RNF183: variants seen among roughly 807,000 people sequenced by gnomAD.
RNF183 encodes ring finger protein 183.
RNF183 carries 4 observed loss-of-function variants against 9.0 expected under a neutral mutation model. The observed-to-expected ratio is 0.44, with a 90% CI of 0.22 to 1.01. The LOEUF (loss-of-function observed/expected upper bound fraction) is 1.01, where lower values mean the gene tolerates loss of function less well. RNF183 is among the 50% of genes least tolerant of loss of function. RNF183 has a pLI of 0.25. For synonymous variants in RNF183, 102 were observed against 107.5 expected (o/e 0.95, Z 0.32); for missense variants, 227 against 253.6 (o/e 0.89, Z 0.71).
At position 113,297,664 on chromosome 9, in the gene RNF183, G is replaced by C. The variant is rs1832763408; in HGVS notation, c.521C>G (p.Thr174Ser). 6.2e-7 allele frequency: 1 copy of C among 1,613,638 alleles called. No individual in the cohort carries two copies. Among genetic ancestry groups the C allele is most frequent in the Non-Finnish European group, 8.5e-7 (1 of 1,179,790 alleles). ...AYLMAVILSV[T>S]LLLIFSIFWT... ...AAAGATGGAGAATATGAGCAACAGA[G>C]TGACACTGAGGATGACGGCCATCAG... Residue 174 changes from threonine (T) to serine (S), a missense_variant, in exon 5 of 5, where the codon ACT becomes AGT. By Grantham distance (58) the Thr-to-Ser change is moderately conservative. Coordinates refer to ENST00000489339, the MANE Select transcript of RNF183 (RefSeq NM_001371237.1).
At chr9:113,302,873 G>T (rs980713890) in intron 1 of RNF183, among the ~76,000 whole-genome samples, 183 bp downstream of exon 1, 1 of 152,182 alleles carries the variant, frequency 6.6e-6, no homozygotes, top group African/African-American at 2.4e-5. Flanking sequence ...GGAAGCCAAG[G>T]CTCAGAAGGG....
Position 113,298,032 on chromosome 9 carries a change from C to A in RNF183, c.153G>T (p.Arg51=). ...LAHLSLVTPA[R]RRLLCPLCRQ... The stretch of plus-strand genomic sequence containing the variant: ...GACAGAGTGGGCACAGCAGGCGGCG[C>A]CGGGCTGGAGTCACAAGGCTGAGGT... Residue 51 remains arginine, a synonymous_variant, in exon 5 of 5, where the codon CGG becomes CGT. Transcript: ENST00000489339. This position sits in a 1 kb window ranked among gnomAD's most constrained non-coding sequence, Gnocchi z 4.9. 1 of 1,613,976 alleles carries A rather than the reference C, an allele frequency of 6.2e-7. No individual in the cohort carries two copies. The highest frequency in any genetic ancestry group is 8.5e-7 in the Non-Finnish European group (1 of 1,180,018).
In RNF183 at chr9:113,297,434, C is replaced by T. The variant is rs1053455520; in HGVS notation, c.*172G>A. On this transcript the variant is annotated 3_prime_UTR_variant, in exon 5 of 5. Transcript: ENST00000489339. The stretch of plus-strand genomic sequence containing the variant: ...ACATCTCCCAGTCCTTCAAGCTTTT[C>T]GTTTTTTTGTTTTTTTTTAAAATTG... 2.1e-4 allele frequency: 109 copies of T among 529,842 alleles called. No individual in the cohort carries two copies. Among genetic ancestry groups the T allele is most frequent in the Admixed American group, 4.9e-4 (13 of 26,554 alleles). 32.8% of individuals were successfully genotyped at this position (529,842 alleles called of 1,614,324 possible). A position where few individuals can be genotyped will look rare whatever the true frequency, so the allele number is the denominator to read the frequency against.
chr9:113,299,880 G>A (rs994100904), intron 3 of RNF183, 105 bp from the exon 4 acceptor site: 1 of 152,214 alleles, frequency 6.6e-6, no homozygotes, highest in Non-Finnish European at 1.5e-5. Context: ...CTAGTTAATG[G>A]TGACATGGGA....
At position 113,297,419 on chromosome 9, in the gene RNF183, G is replaced by A; in HGVS notation, c.*187C>T. 2.1e-6 allele frequency: 1 copy of A among 484,380 alleles called. No individual in the cohort carries two copies. Among genetic ancestry groups the A allele is most frequent in the Non-Finnish European group, 3.7e-6 (1 of 270,618 alleles). 30.0% of individuals were successfully genotyped at this position (484,380 alleles called of 1,614,324 possible). On this transcript the variant is annotated 3_prime_UTR_variant, in exon 5 of 5. Coordinates refer to ENST00000489339, the MANE Select transcript of RNF183 (RefSeq NM_001371237.1). Reference sequence around the variant, plus strand: ...CCCGGAGGTCGCTCCACATCTCCCAGTCCTTCAAGCTTTTCGTTTTTTTGT... The same window carrying A: ...CCCGGAGGTCGCTCCACATCTCCCAATCCTTCAAGCTTTTCGTTTTTTTGT...
Position 113,297,982 on chromosome 9 carries a change from C to G in RNF183, c.203G>C (p.Gly68Ala), listed in dbSNP as rs759807205. The change falls in exon 5 of 5, where the codon GGG becomes GCG. Residue 68 changes from glycine to alanine, a missense_variant. Physicochemically the swap from Gly to Ala is moderately conservative, Grantham distance 60 (BLOSUM62 0). Coordinates refer to ENST00000489339, the MANE Select transcript of RNF183 (RefSeq NM_001371237.1). Reference sequence around the variant, plus strand: ...CGTGGGCAAGTCAGTGACAGGCTGCCCTGAGGCCAGCACTGTGGGCTGGCG... The same window carrying G: ...CGTGGGCAAGTCAGTGACAGGCTGCGCTGAGGCCAGCACTGTGGGCTGGCG... Reference protein sequence around the residue: ...LCRQPTVLASGQPVTDLPTDT... With the variant: ...LCRQPTVLASAQPVTDLPTDT... The G allele has an allele frequency of 6.2e-7, 1 of 1,613,812 alleles. No individual in the cohort carries two copies. Among genetic ancestry groups the G allele is most frequent in the Non-Finnish European group, 8.5e-7 (1 of 1,179,986 alleles).
At chr9:113,301,195 A>G (rs529281440) in intron 3 of RNF183, among the ~76,000 whole-genome samples, 30 of 152,186 alleles carry the variant, frequency 2.0e-4, no homozygotes, top group Admixed American at 7.2e-4. Flanking sequence ...AGCACCCAGT[A>G]AAGACCACAA....
At position 113,297,659 on chromosome 9, in the gene RNF183, A is replaced by G; in HGVS notation, c.526T>C (p.Leu176=). Residue 176 remains leucine (L), a synonymous_variant, in exon 5 of 5, where the codon TTG becomes CTG. Coordinates refer to ENST00000489339, the MANE Select transcript of RNF183 (RefSeq NM_001371237.1). ...LMAVILSVTL[L]LIFSIFWTKQ... Reference sequence around the variant, plus strand: ...GTCCAAAAGATGGAGAATATGAGCAACAGAGTGACACTGAGGATGACGGCC... The same window carrying G: ...GTCCAAAAGATGGAGAATATGAGCAGCAGAGTGACACTGAGGATGACGGCC... 6.2e-7 allele frequency: 1 copy of G among 1,613,266 alleles called. No individual in the cohort carries two copies.
At position 113,298,051 on chromosome 9, in the gene RNF183, C is replaced by A. The variant is rs1336208454; in HGVS notation, c.134G>T (p.Ser45Ile). 1 of 1,614,024 alleles carries A rather than the reference C, an allele frequency of 6.2e-7. No homozygotes were observed. The highest frequency in any genetic ancestry group is 1.1e-5 in the South Asian group (1 of 91,074). ...GCGGCGCCGGGCTGGAGTCACAAGGCTGAGGTGGGCCAGACATTCCACGCA... is the reference window on the plus strand; with the variant it reads ...GCGGCGCCGGGCTGGAGTCACAAGGATGAGGTGGGCCAGACATTCCACGCA... ...SFCVECLAHL[S>I]LVTPARRRLL... Residue 45 changes from serine to isoleucine, a missense_variant, in exon 5 of 5, where the codon AGC becomes ATC. Coordinates refer to ENST00000489339, the MANE Select transcript of RNF183 (RefSeq NM_001371237.1). The surrounding 1 kb of genome is among the most constrained non-coding windows in gnomAD (Gnocchi z 4.9).
At position 113,297,778 on chromosome 9, in the gene RNF183, G is replaced by A; in HGVS notation, c.407C>T (p.Ser136Phe). ...GAGGATGGGCGTAGACACGGTGGCA[G>A]AGGCCGTGTCTGGGGGCGGCCCAGT... ...GQTGPPPDTA[S>F]ATVSTPILIP... The change falls in exon 5 of 5, where the codon TCT becomes TTT. Residue 136 changes from serine to phenylalanine, a missense_variant. Ser to Phe is a radical substitution (Grantham distance 155, BLOSUM62 -2). Coordinates refer to ENST00000489339, the MANE Select transcript of RNF183 (RefSeq NM_001371237.1). 6.2e-7 allele frequency: 1 copy of A among 1,613,664 alleles called. No individual in the cohort carries two copies. Among genetic ancestry groups the A allele is most frequent in the South Asian group, 1.1e-5 (1 of 91,016 alleles).
chr9:113,301,122 CT>C (rs1832906422), intron 3 of RNF183, among the ~76,000 whole-genome samples: 1 of 152,166 alleles, frequency 6.6e-6, no homozygotes, highest in Non-Finnish European at 1.5e-5. Flanking sequence ...CTTGACCTCT[CT>C]GTGCCTCTAT....
intron 3 of RNF183, 141 bp from the exon 4 acceptor site, chr9:113,299,916 C>T (rs1832862027): frequency 6.6e-6 from 1 of 152,186 alleles, no homozygotes; most frequent in Non-Finnish European, 1.5e-5. Context: ...TCATGGTTTT[C>T]GTAAAGACAG....
rs184118629 is a variant in RNF183 at position 113,298,329 on chromosome 9, T to G, written c.-37-108A>C. 263 of 680,280 alleles carry G rather than the reference T, an allele frequency of 3.9e-4. 1 individual carries two copies. The East Asian group carries it at 6.9e-3, about 18-fold the overall frequency. 42.1% of individuals were successfully genotyped at this position (680,280 alleles called of 1,614,324 possible). A position where few individuals can be genotyped will look rare whatever the true frequency, so the allele number is the denominator to read the frequency against. On this transcript the variant is annotated intron_variant, in intron 4 of 4. Transcript: ENST00000489339. The surrounding 1 kb of genome is among the most constrained non-coding windows in gnomAD (Gnocchi z 4.9). ...GTTGAAAGGTGTAATCACCACGTTT[T>G]ACTTAGGTTCAAAAGCGTTTTGTTC...
intron 4 of RNF183, 168 bp downstream of exon 4, chr9:113,299,404 C>T (rs931428348): frequency 6.6e-6 from 1 of 152,208 alleles, no homozygotes; most frequent in Non-Finnish European, 1.5e-5. Context: ...CATTTCTCTT[C>T]GAAAGTGGCT....
chr9:113,303,373 C>G lies in RNF183; in HGVS notation c.-758G>C, dbSNP rs907539183. The G allele has an allele frequency of 3.3e-5, 5 of 152,716 alleles. No homozygotes were observed. Among genetic ancestry groups the G allele is most frequent in the Non-Finnish European group, 7.3e-5 (5 of 68,244 alleles). The allele number at this position is 152,716 out of a possible 1,614,324, so 9.5% of individuals were successfully genotyped here. A position where few individuals can be genotyped will look rare whatever the true frequency, so the allele number is the denominator to read the frequency against. On this transcript the variant is annotated 5_prime_UTR_variant, in exon 1 of 5. Coordinates refer to ENST00000489339, the MANE Select transcript of RNF183 (RefSeq NM_001371237.1). ...GGTCCGATTGATCTCCTGCCATCCC[C>G]TCGGATTCCACTGTCCTCTGTGCGC...
Position 113,297,381 on chromosome 9 carries a change from C to T in RNF183, c.*225G>A, listed in dbSNP as rs1381088867. 1.1e-4 allele frequency: 40 copies of T among 380,618 alleles called. 1 individual carries two copies. The South Asian group carries it at 1.7e-3, about 16-fold the overall frequency. The allele number at this position is 380,618 out of a possible 1,614,324, so 23.6% of individuals were successfully genotyped here. A position where few individuals can be genotyped will look rare whatever the true frequency, so the allele number is the denominator to read the frequency against. Reference sequence around the variant, plus strand: ...GAACCGCTTCTCTGCCCTTCCATGACGCCACACTCACACCCGGAGGTCGCT... The same window carrying T: ...GAACCGCTTCTCTGCCCTTCCATGATGCCACACTCACACCCGGAGGTCGCT... On this transcript the variant is annotated 3_prime_UTR_variant, in exon 5 of 5. Coordinates refer to ENST00000489339, the MANE Select transcript of RNF183 (RefSeq NM_001371237.1).
chr9:113,299,742 A>G lies in RNF183; in HGVS notation c.-208T>C, dbSNP rs1381592154. The G allele has an allele frequency of 2.0e-5, 3 of 152,140 alleles. No individual in the cohort carries two copies. Among genetic ancestry groups the G allele is most frequent in the Non-Finnish European group, 4.4e-5 (3 of 68,030 alleles). 9.4% of individuals were successfully genotyped at this position (152,140 alleles called of 1,614,324 possible). ...TACTTGGCTTTTCTCTGTTTCTCAT[A>G]TGGGTCATTCGAATAATTTGAAGAG... On this transcript the variant is annotated 5_prime_UTR_variant, in exon 4 of 5. Coordinates refer to ENST00000489339, the MANE Select transcript of RNF183 (RefSeq NM_001371237.1).
Position 113,298,512 on chromosome 9 carries a change from C to T in RNF183, c.-37-291G>A, listed in dbSNP as rs1588026542. ...GCTTTGGAGCTGGACGCAAATGCTC[C>T]TTATGGTCATTGTCTGTGCCCTTGG... On this transcript the variant is annotated intron_variant, in intron 4 of 4. Coordinates refer to ENST00000489339, the MANE Select transcript of RNF183 (RefSeq NM_001371237.1). This position sits in a 1 kb window ranked among gnomAD's most constrained non-coding sequence, Gnocchi z 4.9. 3 of 337,128 alleles carry T rather than the reference C, an allele frequency of 8.9e-6. No individual in the cohort carries two copies. In the South Asian group the frequency reaches 1.4e-4, roughly 16 times the overall value. 20.9% of individuals were successfully genotyped at this position (337,128 alleles called of 1,614,324 possible).
intron 3 of RNF183, among the ~76,000 whole-genome samples, chr9:113,300,794 G>A (rs947854309): frequency 1.3e-5 from 2 of 152,150 alleles, no homozygotes; most frequent in South Asian, 2.1e-4. Flanking sequence ...AGGGGTGAGC[G>A]GTAGGGTAAG....
Sources: allele counts gnomAD v4.1 joint callset (sites outside exome capture counted in the v4.1 genomes callset), GRCh38; gene constraint gnomAD v4.1.1; non-coding constraint Gnocchi (gnomAD v3.1); transcripts MANE v1.5; gene names NCBI Gene and HGNC (gene_info 2026-07-23, HGNC 2026-07-21).